Variants in LRRC7 observed in about 807,000 individuals in gnomAD.
LRRC7 encodes the protein leucine rich repeat containing 7.
A neutral mutation model predicts 175.7 loss-of-function variants in LRRC7; 23 were observed. The observed-to-expected ratio is 0.13, with a 90% CI of 0.09 to 0.19. The LOEUF is 0.19. Ranked by LOEUF, LRRC7 falls within the 10% of genes least tolerant of loss-of-function variation. The pLI is 1.00. For synonymous variants in LRRC7, 685 were observed against 680.9 expected (o/e 1.01, Z -0.09); for missense variants, 1,354 against 1,904.7 (o/e 0.71, Z 5.38).
chr1:69,895,667 T>C (rs745867919), intron 7 of LRRC7, among the ~76,000 whole-genome samples: 2 of 152,170 alleles, frequency 1.3e-5, no homozygotes, highest in Non-Finnish European at 2.9e-5. Flanking sequence ...TTTTCTGGAG[T>C]TTTATGTAAA....
At chr1:69,664,598 A>G (rs773108238) in intron 1 of LRRC7, among the ~76,000 whole-genome samples, 2 of 152,114 alleles carry the variant, frequency 1.3e-5, no homozygotes, top group Non-Finnish European at 2.9e-5. Context: ...TGCCTTTTGT[A>G]TCTCTTCTTT....
At chr1:69,727,596 CA>C (rs1468520818) in intron 2 of LRRC7, among the ~76,000 whole-genome samples, 1 of 152,058 alleles carries the variant, frequency 6.6e-6, no homozygotes, top group Non-Finnish European at 1.5e-5. Context: ...GTAAAATTAC[CA>C]TACTTTACAG....
chr1:70,104,467 C>G (rs1665010178), intron 25 of LRRC7, among the ~76,000 whole-genome samples: 1 of 152,150 alleles, frequency 6.6e-6, no homozygotes, highest in African/African-American at 2.4e-5. Flanking sequence ...GTGAATGCCA[C>G]AGACCATGAT....
intron 11 of LRRC7, among the ~76,000 whole-genome samples, chr1:70,001,888 C>A (rs1463393237): frequency 6.6e-6 from 1 of 152,066 alleles, no homozygotes; most frequent in Non-Finnish European, 1.5e-5. Flanking sequence ...TACTTAAAGG[C>A]CTCATTAGCA....
intron 13 of LRRC7, among the ~76,000 whole-genome samples, chr1:70,015,073 T>C (rs921706463): frequency 7.9e-5 from 12 of 152,088 alleles, no homozygotes; most frequent in African/African-American, 2.4e-4. Context: ...AATTTCTGGC[T>C]TAAGTGAATT....
chr1:69,732,809 C>T (rs1269933570), intron 2 of LRRC7, among the ~76,000 whole-genome samples: 2 of 151,966 alleles, frequency 1.3e-5, no homozygotes, highest in Non-Finnish European at 2.9e-5. Context: ...AACTGACACA[C>T]TTTTATGAAG....
At chr1:69,868,318 G>A (rs1685153419) in intron 7 of LRRC7, among the ~76,000 whole-genome samples, 2 of 152,052 alleles carry the variant, frequency 1.3e-5, no homozygotes, top group South Asian at 4.1e-4. Flanking sequence ...AGGGTTAAGA[G>A]TTTATGGTAA....
At chr1:69,992,167 T>C (rs182353847) in intron 10 of LRRC7, among the ~76,000 whole-genome samples, 27 of 152,268 alleles carry the variant, frequency 1.8e-4, no homozygotes. Context: ...TAAACAGCTA[T>C]TGTTACAATA....
At chr1:69,754,022 T>C (rs1203275646) in intron 2 of LRRC7, among the ~76,000 whole-genome samples, 1 of 151,976 alleles carries the variant, frequency 6.6e-6, no homozygotes, top group Non-Finnish European at 1.5e-5. Flanking sequence ...AAGGAAGCCA[T>C]AAGTGTAAAG....
intron 1 of LRRC7, among the ~76,000 whole-genome samples, chr1:69,601,994 C>T (rs142285536): frequency 2.0e-5 from 3 of 152,104 alleles, no homozygotes; most frequent in African/African-American, 7.2e-5. Flanking sequence ...AAGTATGTAA[C>T]TCCAACAATG....
chr1:69,860,156 A>G (rs1198758372), intron 7 of LRRC7, among the ~76,000 whole-genome samples: 1 of 151,956 alleles, frequency 6.6e-6, no homozygotes, highest in African/African-American at 2.4e-5. Context: ...AATAGCTGAA[A>G]TATATTCTTT....
At position 70,130,222 on chromosome 1, in the gene LRRC7, A is replaced by G. The variant is rs1666611404; in HGVS notation, c.*8335A>G. Reference sequence around the variant, plus strand: ...GAGAGAGAGGATCAGACAATACTTAACAAAGGACTTCTAGACAGAAGAGCC... The same window carrying G: ...GAGAGAGAGGATCAGACAATACTTAGCAAAGGACTTCTAGACAGAAGAGCC... On this transcript the variant is annotated 3_prime_UTR_variant, in exon 27 of 27. Coordinates refer to ENST00000651989, the MANE Select transcript of LRRC7 (RefSeq NM_001370785.2). 1 of 152,252 alleles carries G rather than the reference A, an allele frequency of 6.6e-6. No individual in the cohort carries two copies. The highest frequency in any genetic ancestry group is 6.5e-5 in the Admixed American group (1 of 15,286). 9.4% of individuals were successfully genotyped at this position (152,252 alleles called of 1,614,324 possible).
chr1:69,716,222 G>A, intron 2 of LRRC7: 1 of 480,464 alleles, frequency 2.1e-6, no homozygotes, highest in Non-Finnish European at 3.8e-6. Context: ...CTAGCAAGTA[G>A]ATACTATATT....
chr1:70,134,778 T>C lies in LRRC7; in HGVS notation c.*12891T>C, dbSNP rs1666800464. Among the ~76,000 whole-genome samples, 1 of 152,248 alleles carries C rather than the reference T, an allele frequency of 6.6e-6. No individual in the cohort carries two copies. The highest frequency in any genetic ancestry group is 2.1e-4 in the South Asian group (1 of 4,838). Reference sequence around the variant, plus strand: ...CCAATTTTAGTGCACCATTTTGGGTTTGTTTACCAAGTGTTCTTCCTCTCT... The same window carrying C: ...CCAATTTTAGTGCACCATTTTGGGTCTGTTTACCAAGTGTTCTTCCTCTCT... On this transcript the variant is annotated 3_prime_UTR_variant, in exon 27 of 27. Coordinates refer to ENST00000651989, the MANE Select transcript of LRRC7 (RefSeq NM_001370785.2).
intron 7 of LRRC7, among the ~76,000 whole-genome samples, chr1:69,882,931 A>G (rs2101618032): frequency 6.6e-6 from 1 of 152,050 alleles, no homozygotes; most frequent in African/African-American, 2.4e-5. Context: ...TGTCCCTACA[A>G]AGGACATGAA....
chr1:69,586,810 C>T (rs1011060496), intron 1 of LRRC7, among the ~76,000 whole-genome samples: 3 of 152,070 alleles, frequency 2.0e-5, no homozygotes, highest in African/African-American at 7.2e-5. Flanking sequence ...CTTTAAAATA[C>T]TACCCTTTGT....
At chr1:70,088,599 G>GT (rs1201459346) in intron 24 of LRRC7, among the ~76,000 whole-genome samples, 3 of 152,032 alleles carry the variant, frequency 2.0e-5, no homozygotes, top group African/African-American at 7.2e-5. Flanking sequence ...GTTACAAAGT[G>GT]TTTTTTCTTT....
intron 7 of LRRC7, among the ~76,000 whole-genome samples, chr1:69,862,327 TAG>T (rs1684441184): frequency 6.6e-6 from 1 of 152,072 alleles, no homozygotes; most frequent in Non-Finnish European, 1.5e-5. Context: ...TGAGCAAAAA[TAG>T]AGAGTGGGAT....
intron 7 of LRRC7, among the ~76,000 whole-genome samples, chr1:69,928,432 C>G (rs1031074129): frequency 3.3e-5 from 5 of 152,210 alleles, no homozygotes; most frequent in African/African-American, 4.8e-5. Context: ...GAGGCAGGCA[C>G]GCCTCCTTGA....
Sources: allele counts gnomAD v4.1 joint callset (sites outside exome capture counted in the v4.1 genomes callset), GRCh38; gene constraint gnomAD v4.1.1; transcripts MANE v1.5; gene names NCBI Gene and HGNC (gene_info 2026-07-23, HGNC 2026-07-21).